Variants in TFPI observed in about 807,000 individuals in gnomAD.
TFPI encodes the protein tissue factor pathway inhibitor.
TFPI carries 15 observed loss-of-function variants against 34.6 expected under a neutral mutation model. That is an observed-to-expected ratio of 0.43 (90% CI 0.29 to 0.67). The LOEUF (loss-of-function observed/expected upper bound fraction) is 0.67, where lower values mean the gene tolerates loss of function less well. TFPI is among the 30% of genes least tolerant of loss of function. TFPI has a pLI of 0.15. For synonymous variants in TFPI, 105 were observed against 120.1 expected (o/e 0.87, Z 0.82); for missense variants, 301 against 364.0 (o/e 0.83, Z 1.41).
At chr2:187,470,913 C>G (rs538053512) in intron 6 of TFPI, among the ~76,000 whole-genome samples, 1 of 152,304 alleles carries the variant, frequency 6.6e-6, no homozygotes, top group African/African-American at 2.4e-5. Context: ...ATGACTGATG[C>G]AATGTCAGTT....
intron 1 of TFPI, among the ~76,000 whole-genome samples, chr2:187,550,098 G>C (rs1425770214): frequency 6.6e-6 from 1 of 152,078 alleles, no homozygotes; most frequent in African/African-American, 2.4e-5. Flanking sequence ...GACAGTCTCA[G>C]GAGGTAGTTA....
intron 1 of TFPI, among the ~76,000 whole-genome samples, chr2:187,508,150 G>A (rs888689122): frequency 2.0e-5 from 3 of 152,150 alleles, no homozygotes; most frequent in African/African-American, 4.8e-5. Flanking sequence ...TGAGGCCTCT[G>A]TTCTGTTCCA....
intron 3 of TFPI, among the ~76,000 whole-genome samples, chr2:187,490,736 A>C (rs1403857241): frequency 2.0e-5 from 3 of 150,864 alleles, no homozygotes; most frequent in Non-Finnish European, 4.5e-5. Flanking sequence ...ATTATCATTA[A>C]AGTTGAGTAT....
At chr2:187,535,080 T>C (rs1688175923) in intron 1 of TFPI, among the ~76,000 whole-genome samples, 1 of 152,102 alleles carries the variant, frequency 6.6e-6, no homozygotes, top group African/African-American at 2.4e-5. Context: ...GCACCCAGAT[T>C]CATAAAGCAA....
chr2:187,515,372 C>A (rs752875423), intron 1 of TFPI: 1 of 152,298 alleles, frequency 6.6e-6, no homozygotes, highest in Non-Finnish European at 1.5e-5. Flanking sequence ...AACCCCACCA[C>A]CTTGCTCCCC....
chr2:187,483,798 T>TA (rs2106010053), intron 6 of TFPI: 1 of 285,390 alleles, frequency 3.5e-6, no homozygotes, highest in South Asian at 4.3e-5. Context: ...TACAATGATT[T>TA]ACCATCTTAC....
intron 2 of TFPI, among the ~76,000 whole-genome samples, chr2:187,498,088 T>G (rs1161584008): frequency 1.3e-5 from 2 of 151,862 alleles, no homozygotes; most frequent in Non-Finnish European, 3.0e-5. Flanking sequence ...TATATTGAAT[T>G]AAACAGATGA....
intron 1 of TFPI, chr2:187,529,368 C>T (rs1687843122): frequency 6.6e-6 from 1 of 152,258 alleles, no homozygotes; most frequent in Non-Finnish European, 1.5e-5. Context: ...TCTCACAGTT[C>T]TGGAGGCTAG....
At chr2:187,498,881 C>A (rs1452462796) in intron 2 of TFPI, among the ~76,000 whole-genome samples, 1 of 151,888 alleles carries the variant, frequency 6.6e-6, no homozygotes, top group Non-Finnish European at 1.5e-5. Flanking sequence ...GAATGTTGAT[C>A]AAATCTTTAA....
chr2:187,521,359 TC>T (rs937004192), intron 1 of TFPI, among the ~76,000 whole-genome samples: 1 of 152,128 alleles, frequency 6.6e-6, no homozygotes, highest in African/African-American at 2.4e-5. Context: ...TTGAATTGTT[TC>T]CATATCTTGG....
chr2:187,503,501 ATAC>A, intron 2 of TFPI, 144 bp downstream of exon 2: 1 of 884,536 alleles, frequency 1.1e-6, no homozygotes, highest in Admixed American at 2.7e-5. Context: ...ACACACACAC[ATAC>A]ATTAGGTATA....
At chr2:187,546,412 C>T (rs936066663) in intron 1 of TFPI, among the ~76,000 whole-genome samples, 10 of 114,934 alleles carry the variant, frequency 8.7e-5, no homozygotes, top group African/African-American at 3.1e-4. Context: ...GGTATGTTAT[C>T]GTCATTTCCT....
chr2:187,551,576 A>C (rs562791867), intron 1 of TFPI, among the ~76,000 whole-genome samples: 2 of 152,224 alleles, frequency 1.3e-5, no homozygotes, highest in African/African-American at 4.8e-5. Flanking sequence ...GGGCCCCCGG[A>C]ATTGATACAT....
intron 1 of TFPI, among the ~76,000 whole-genome samples, chr2:187,532,380 C>T (rs982305082): frequency 7.2e-5 from 11 of 152,134 alleles, no homozygotes; most frequent in African/African-American, 2.4e-4. Context: ...CTGAGGTACC[C>T]AGCTCATCTC....
At chr2:187,515,044 GA>G (rs917397443) in intron 1 of TFPI, 4 of 151,504 alleles carry the variant, frequency 2.6e-5, no homozygotes, top group South Asian at 2.1e-4. Context: ...GTCAGACAGA[GA>G]AAAAAAAATG....
chr2:187,542,602 G>A (rs949481364), intron 1 of TFPI, among the ~76,000 whole-genome samples: 7 of 152,228 alleles, frequency 4.6e-5, no homozygotes, highest in South Asian at 2.1e-4. Context: ...TGGACGCTGC[G>A]GCTCATGCCT....
intron 4 of TFPI, among the ~76,000 whole-genome samples, chr2:187,487,890 T>C (rs918397898): frequency 2.0e-5 from 3 of 151,404 alleles, no homozygotes; most frequent in African/African-American, 2.4e-5. Context: ...CCACACAATG[T>C]TGATTAGATT....
intron 1 of TFPI, among the ~76,000 whole-genome samples, chr2:187,520,850 A>G (rs1324630085): frequency 3.3e-5 from 5 of 152,078 alleles, no homozygotes; most frequent in African/African-American, 7.3e-5. Flanking sequence ...TTGTTGCTCA[A>G]ATGGTCTCCT....
At position 187,477,043 on chromosome 2, in the gene TFPI, A is replaced by G. The variant is rs8176538; in HGVS notation, c.628+7081T>C. Among the ~76,000 whole-genome samples, 356 of 152,292 alleles carry G rather than the reference A, an allele frequency of 2.3e-3. 3 individuals are homozygous for G. Among genetic ancestry groups the G allele is most frequent in the East Asian group, 3.9e-3 (20 of 5,180 alleles). ...TTTTTTTCCTTTTAAAGATATCTAT[A>G]TATTATTCAAGCTTGAGAAACACTT... is the stretch of plus-strand genomic sequence containing the variant. On this transcript the variant is annotated intron_variant, in intron 6 of 7. Coordinates refer to ENST00000233156, the MANE Select transcript of TFPI (RefSeq NM_006287.6).
Sources: gnomAD v4.1 joint callset for allele counts (sites outside exome capture counted in the v4.1 genomes callset) on GRCh38, gnomAD v4.1.1 for gene constraint, MANE v1.5 for transcripts, NCBI Gene and HGNC (gene_info 2026-07-23, HGNC 2026-07-21) for gene names.